MGAT4C: variants seen among roughly 807,000 people sequenced by gnomAD.
MGAT4C encodes MGAT4 family member C.
A neutral mutation model predicts 40.1 loss-of-function variants in MGAT4C; 19 were observed. The ratio of observed to expected loss-of-function variants is 0.47; its 90% CI spans 0.33 to 0.70. The LOEUF is 0.70. Ranked by LOEUF, MGAT4C falls within the 30% of genes least tolerant of loss-of-function variation. The pLI is 0.02. For synonymous variants in MGAT4C, 181 were observed against 187.1 expected, an observed-to-expected ratio of 0.97 and a Z score of 0.27; for missense variants, 491 against 563.2, an observed-to-expected ratio of 0.87 and a Z score of 1.30.
intron 1 of MGAT4C, among the ~76,000 whole-genome samples, chr12:86,098,331 C>A (rs995389672): frequency 2.0e-5 from 3 of 151,390 alleles, no homozygotes; most frequent in African/African-American, 4.8e-5. Flanking sequence ...TTTCTTTTTG[C>A]TATCAGTTAT....
chr12:86,782,234 T>A (rs1369400498), intron 1 of MGAT4C, among the ~76,000 whole-genome samples: 1 of 124,778 alleles, frequency 8.0e-6, no homozygotes, highest in Non-Finnish European at 1.6e-5. Flanking sequence ...CAGGCTGGAG[T>A]GCAGTGGCGG....
intron 4 of MGAT4C, among the ~76,000 whole-genome samples, chr12:86,288,069 G>A (rs1953400992): frequency 6.6e-6 from 1 of 152,118 alleles, no homozygotes; most frequent in African/African-American, 2.4e-5. Context: ...GTATCTCGTT[G>A]TGGTTTTGAT....
intron 1 of MGAT4C, among the ~76,000 whole-genome samples, chr12:86,748,724 A>T (rs1951189899): frequency 6.6e-6 from 1 of 151,672 alleles, no homozygotes; most frequent in Non-Finnish European, 1.5e-5. Context: ...ACTGTATAAG[A>T]TGTGAATTTG....
intron 2 of MGAT4C, among the ~76,000 whole-genome samples, chr12:86,455,379 C>T (rs1957492328): frequency 6.6e-6 from 1 of 152,018 alleles, no homozygotes; most frequent in Admixed American, 6.6e-5. Context: ...TGAGGTTGAC[C>T]CTAGTTCAGT....
intron 1 of MGAT4C, among the ~76,000 whole-genome samples, chr12:86,066,290 T>C (rs770876201): frequency 6.6e-6 from 1 of 152,014 alleles, no homozygotes; most frequent in Non-Finnish European, 1.5e-5. Context: ...GGATGCATCA[T>C]GCTACCTGAC....
rs3043125 is a variant in MGAT4C, at chr12:85,958,037, TTG to T, written c.*21250_*21251del. 0.059 allele frequency: 7,783 copies of T among 131,958 alleles called. 296 individuals carry two copies. Among genetic ancestry groups the T allele is most frequent in the African/African-American group, 0.1 (3,845 of 38,488 alleles). 8.2% of individuals were successfully genotyped at this position (131,958 alleles called of 1,614,324 possible). On this transcript the variant is annotated 3_prime_UTR_variant, in exon 5 of 5. Transcript: ENST00000611864. ...TTGTTTACAGTTTTTCTAAGTGTTT[TTG>T]TGTGTGTGTGTGTGTGTGTGTGTGT...
At chr12:86,405,554 C>A (rs1956447582) in intron 3 of MGAT4C, among the ~76,000 whole-genome samples, 3 of 151,942 alleles carry the variant, frequency 2.0e-5, no homozygotes, top group Admixed American at 2.0e-4. Flanking sequence ...TTTCAACTCT[C>A]TCAACTTGAA....
chr12:86,428,244 A>G (rs1213935407), intron 3 of MGAT4C, among the ~76,000 whole-genome samples: 2 of 152,206 alleles, frequency 1.3e-5, no homozygotes, highest in Non-Finnish European at 2.9e-5. Context: ...TGCAGAGTGT[A>G]CAGTTTAGGT....
At chr12:86,315,628 C>G (rs1050173243) in intron 4 of MGAT4C, among the ~76,000 whole-genome samples, 1 of 152,128 alleles carries the variant, frequency 6.6e-6, no homozygotes, top group Non-Finnish European at 1.5e-5. Flanking sequence ...ATGGCATGAA[C>G]CCGGGAGGCG....
chr12:86,409,279 TAAG>T (rs1475889584), intron 3 of MGAT4C, among the ~76,000 whole-genome samples: 1 of 152,090 alleles, frequency 6.6e-6, no homozygotes, highest in Non-Finnish European at 1.5e-5. Flanking sequence ...ATAGTAATAA[TAAG>T]AAGAATAATA....
chr12:86,577,580 A>G (rs1050377938), intron 2 of MGAT4C, among the ~76,000 whole-genome samples: 4 of 151,786 alleles, frequency 2.6e-5, no homozygotes, highest in Non-Finnish European at 5.9e-5. Flanking sequence ...TGTTGATATA[A>G]TGTTTCATGT....
intron 3 of MGAT4C, among the ~76,000 whole-genome samples, chr12:86,398,883 A>G (rs1956306012): frequency 6.6e-6 from 1 of 152,158 alleles, no homozygotes; most frequent in African/African-American, 2.4e-5. Flanking sequence ...AGGGAGGTCA[A>G]GAAGAATCTG....
chr12:86,482,067 T>TACACACACAC (rs10526768), intron 2 of MGAT4C, among the ~76,000 whole-genome samples: 6,970 of 143,100 alleles, frequency 0.049, 239 homozygotes, highest in African/African-American at 0.08. Context: ...AACATGTCAC[T>TACACACACAC]ACACACACAC....
chr12:86,721,613 C>A (rs1170717634), intron 2 of MGAT4C, among the ~76,000 whole-genome samples: 1 of 152,116 alleles, frequency 6.6e-6, no homozygotes, highest in Admixed American at 6.6e-5. Flanking sequence ...ATCTGCCTTA[C>A]ATTACAAAGT....
At chr12:86,280,137 GGTCAATATTTATTCA>G (rs1261334538) in intron 4 of MGAT4C, among the ~76,000 whole-genome samples, 3 of 151,878 alleles carry the variant, frequency 2.0e-5, no homozygotes, top group Non-Finnish European at 4.4e-5. Flanking sequence ...ATATTTATTC[GGTCAATATTTATTCA>G]GTCAATTGGT....
intron 3 of MGAT4C, among the ~76,000 whole-genome samples, chr12:86,335,725 T>C (rs1054007030): frequency 2.0e-5 from 3 of 152,164 alleles, no homozygotes; most frequent in South Asian, 2.1e-4. Context: ...AAAAAACATA[T>C]AGTAACTAGA....
At chr12:86,606,298 G>C (rs943332966) in intron 2 of MGAT4C, among the ~76,000 whole-genome samples, 6 of 152,048 alleles carry the variant, frequency 3.9e-5, no homozygotes, top group Non-Finnish European at 7.4e-5. Context: ...CTCTGACTAA[G>C]GTTATGTAAC....
chr12:86,226,810 C>T (rs941038922), intron 1 of MGAT4C, among the ~76,000 whole-genome samples: 1 of 151,928 alleles, frequency 6.6e-6, no homozygotes, highest in African/African-American at 2.4e-5. Context: ...ATTCTCTCCT[C>T]TCTACTATAA....
chr12:86,674,434 G>A (rs755522607), intron 2 of MGAT4C, among the ~76,000 whole-genome samples: 3 of 151,938 alleles, frequency 2.0e-5, no homozygotes, highest in African/African-American at 4.8e-5. Flanking sequence ...ATCATATCAC[G>A]CCTGTAATCC....
Sources: gnomAD v4.1 joint callset for allele counts (sites outside exome capture counted in the v4.1 genomes callset) on GRCh38, gnomAD v4.1.1 for gene constraint, MANE v1.5 for transcripts, NCBI Gene and HGNC (gene_info 2026-07-23, HGNC 2026-07-21) for gene names.